Variants in MYO3B observed in about 807,000 individuals in gnomAD.
MYO3B encodes myosin IIIB.
MYO3B carries 156 observed loss-of-function variants against 174.6 expected under a neutral mutation model. The observed-to-expected ratio is 0.89, with a 90% CI of 0.78 to 1.02. The LOEUF (loss-of-function observed/expected upper bound fraction) is 1.02. Ranked by LOEUF, MYO3B falls within the 50% of genes least tolerant of loss-of-function variation. The probability of loss-of-function intolerance (pLI) is 0.00; values close to 1 mark genes in which losing one functional copy is unlikely to be tolerated. For synonymous variants in MYO3B, 563 were observed against 569.1 expected, an observed-to-expected ratio of 0.99 and a Z score of 0.15; for missense variants, 1,632 against 1,639.4, an observed-to-expected ratio of 1.00 and a Z score of 0.08.
At chr2:170,369,165 A>G in intron 8 of MYO3B, 57 bp from the exon 9 acceptor site, 1 of 1,527,702 alleles carries the variant, frequency 6.5e-7, no homozygotes, top group Non-Finnish European at 8.9e-7. Flanking sequence ...CCATATTCAT[A>G]GGGGAACAGG....
At position 170,592,708 on chromosome 2, in the gene MYO3B, A is replaced by C. The variant is rs926705464; in HGVS notation, c.3733+48720A>C. ...GGGATCATGTACATTCTCTTTAGTG[A>C]AGTATCCTTGGTGCCCATCACATGG... On this transcript the variant is annotated intron_variant, in intron 32 of 34. Transcript: ENST00000408978. Among the ~76,000 whole-genome samples, 6 of 152,114 alleles carry C rather than the reference A, an allele frequency of 3.9e-5. No individual in the cohort carries two copies. In the South Asian group the frequency reaches 6.2e-4, roughly 16 times the overall value.
chr2:170,382,101 G>T lies in MYO3B; in HGVS notation c.1057G>T (p.Val353Phe). ...CLEDDLVNLE[V>F]LDEDTIIHQL... Reference sequence around the variant, plus strand: ...TGAGGATGATTTGGTCAACCTAGAGGTTCTGGATGAGGTACTAAATATTTA... The same window carrying T: ...TGAGGATGATTTGGTCAACCTAGAGTTTCTGGATGAGGTACTAAATATTTA... Residue 353 changes from valine (V) to phenylalanine (F), a missense_variant, in exon 10 of 35, where the codon GTT becomes TTT. Val to Phe is a conservative substitution (Grantham distance 50, BLOSUM62 -1). Transcript: ENST00000408978. 6 of 1,612,760 alleles carry T rather than the reference G, an allele frequency of 3.7e-6. No individual in the cohort carries two copies. In the Admixed American group the frequency reaches 1.0e-4, roughly 27 times the overall value.
chr2:170,380,837 C>T (rs528457208), intron 9 of MYO3B, among the ~76,000 whole-genome samples: 41 of 152,196 alleles, frequency 2.7e-4, no homozygotes, highest in Middle Eastern at 3.4e-3. Context: ...CTGAGTAGGC[C>T]GGGTGCAGTG....
chr2:170,358,561 T>C (rs928427631), intron 8 of MYO3B, among the ~76,000 whole-genome samples: 1 of 152,242 alleles, frequency 6.6e-6, no homozygotes, highest in Non-Finnish European at 1.5e-5. Context: ...TGTACATTTT[T>C]AATGGATGAA....
rs149805637 is a variant in MYO3B, at chr2:170,504,647, A to C, written c.3370+2782A>C. Among the ~76,000 whole-genome samples, 230 of 152,282 alleles carry C rather than the reference A, an allele frequency of 1.5e-3. 1 individual carries two copies. Among genetic ancestry groups the C allele is most frequent in the Admixed American group, 4.2e-3 (64 of 15,290 alleles). On this transcript the variant is annotated intron_variant, in intron 28 of 34. Coordinates refer to ENST00000408978, the MANE Select transcript of MYO3B (RefSeq NM_138995.5). The stretch of plus-strand genomic sequence containing the variant: ...ATTAACCTTCCCAGGCTTTCTCCTC[A>C]TAAGGACTGGGCGGCCACCATTAGG...
At chr2:170,650,562 C>G (rs532440702) in intron 32 of MYO3B, among the ~76,000 whole-genome samples, 102 of 150,008 alleles carry the variant, frequency 6.8e-4, no homozygotes, top group African/African-American at 2.3e-3. Flanking sequence ...GTGTGTGTGT[C>G]TGTGTGTGTG....
chr2:170,374,257 T>C (rs2094271525), intron 9 of MYO3B, among the ~76,000 whole-genome samples: 1 of 151,980 alleles, frequency 6.6e-6, no homozygotes, highest in Non-Finnish European at 1.5e-5. Context: ...AGTAGAAGAG[T>C]GGCCTTGGGA....
chr2:170,483,478 C>G (rs1685832862), intron 25 of MYO3B, among the ~76,000 whole-genome samples: 1 of 125,642 alleles, frequency 8.0e-6, no homozygotes, highest in Non-Finnish European at 1.5e-5. Context: ...GCTCCGCCTC[C>G]CGGGTTCACG....
chr2:170,478,573 G>GTT lies in MYO3B; in HGVS notation c.3014+11874_3014+11875dup, dbSNP rs34745716. ...CACACACACACACAGGTTTTTTTGT[G>GTT]TTTTTTTTTTTTTGAGATGGAGTCT... On this transcript the variant is annotated intron_variant, in intron 25 of 34. Coordinates refer to ENST00000408978, the MANE Select transcript of MYO3B (RefSeq NM_138995.5). 2.2e-3 allele frequency among the ~76,000 whole-genome samples: 276 copies of GTT among 126,416 alleles called. 3 individuals are homozygous for GTT. The highest frequency in any genetic ancestry group is 7.3e-3 in the East Asian group (30 of 4,122). The allele number at this position is 126,416 out of a possible 152,430, so 82.9% of individuals were successfully genotyped here.
chr2:170,558,672 A>G lies in MYO3B; in HGVS notation c.3733+14684A>G, dbSNP rs150036620. Reference sequence around the variant, plus strand: ...GGATGAGAGCACACTTTATGCATTCATGTTTCTGTTGATGGGCATCTGGGT... The same window carrying G: ...GGATGAGAGCACACTTTATGCATTCGTGTTTCTGTTGATGGGCATCTGGGT... On this transcript the variant is annotated intron_variant, in intron 32 of 34. Transcript: ENST00000408978. 3.1e-3 allele frequency among the ~76,000 whole-genome samples: 479 copies of G among 152,220 alleles called. 2 individuals carry two copies. Among genetic ancestry groups the G allele is most frequent in the African/African-American group, 0.01 (432 of 41,530 alleles).
chr2:170,521,670 C>T (rs566703256), intron 30 of MYO3B, among the ~76,000 whole-genome samples: 3 of 152,260 alleles, frequency 2.0e-5, no homozygotes, highest in African/African-American at 7.2e-5. Context: ...CCCTGCTTTC[C>T]CATCTTTTAC....
intron 23 of MYO3B, 34 bp from the exon 24 acceptor site, chr2:170,463,334 T>A: frequency 6.3e-7 from 1 of 1,597,502 alleles, no homozygotes; most frequent in Non-Finnish European, 8.6e-7. Context: ...AGTGCCTAGA[T>A]CCTCAAACCA....
intron 5 of MYO3B, among the ~76,000 whole-genome samples, chr2:170,215,198 A>G (rs186235724): frequency 3.9e-5 from 6 of 152,374 alleles, no homozygotes; most frequent in Admixed American, 6.5e-5. Context: ...GGTCTTTCAA[A>G]TGACTTTCAC....
intron 22 of MYO3B, among the ~76,000 whole-genome samples, chr2:170,442,116 A>G (rs1003371772): frequency 4.6e-5 from 7 of 151,974 alleles, no homozygotes; most frequent in Non-Finnish European, 1.0e-4. Flanking sequence ...GTGGACATAT[A>G]TTTTTATTTC....
chr2:170,463,278 T>C (rs1684421391), intron 23 of MYO3B, 90 bp from the exon 24 acceptor site: 1 of 1,075,308 alleles, frequency 9.3e-7, no homozygotes, highest in Middle Eastern at 3.0e-4. Context: ...CTCAGGTATT[T>C]GGCCAAACAG....
intron 32 of MYO3B, among the ~76,000 whole-genome samples, chr2:170,574,950 C>A (rs1170051059): frequency 6.6e-6 from 1 of 152,144 alleles, no homozygotes; most frequent in Non-Finnish European, 1.5e-5. Context: ...CCTCCCCACT[C>A]CCTTTAATAA....
intron 32 of MYO3B, among the ~76,000 whole-genome samples, chr2:170,586,542 C>G (rs777859250): frequency 2.6e-5 from 4 of 152,092 alleles, no homozygotes; most frequent in Non-Finnish European, 4.4e-5. Context: ...AAAAATGGTG[C>G]CTGTTATGTA....
At chr2:170,186,187 G>A (rs1444473396) in intron 1 of MYO3B, among the ~76,000 whole-genome samples, 1 of 152,200 alleles carries the variant, frequency 6.6e-6, no homozygotes, top group Non-Finnish European at 1.5e-5. Context: ...AGTGGTGAAA[G>A]TGGGCATCCT....
At chr2:170,442,635 A>G (rs2105909790) in intron 22 of MYO3B, among the ~76,000 whole-genome samples, 1 of 151,958 alleles carries the variant, frequency 6.6e-6, no homozygotes, top group Middle Eastern at 3.4e-3. Context: ...TATATCTCCT[A>G]ATGCTATCCC....
Sources: allele counts gnomAD v4.1 joint callset (sites outside exome capture counted in the v4.1 genomes callset), GRCh38; gene constraint gnomAD v4.1.1; transcripts MANE v1.5; gene names NCBI Gene and HGNC (gene_info 2026-07-23, HGNC 2026-07-21).